PATJ: variants seen among roughly 807,000 people sequenced by gnomAD.
The protein encoded by PATJ is PATJ crumbs cell polarity complex component.
PATJ carries 190 observed loss-of-function variants against 224.9 expected under a neutral mutation model. The observed-to-expected ratio is 0.84, with a 90% confidence interval of 0.75 to 0.95. The LOEUF (loss-of-function observed/expected upper bound fraction) is 0.95. PATJ is among the 40% of genes least tolerant of loss of function. The probability of loss-of-function intolerance (pLI) is 0.00; values close to 1 mark genes in which losing one functional copy is unlikely to be tolerated. For missense variants in PATJ, 2,121 were observed against 2,270.3 expected, an observed-to-expected ratio of 0.93 and a Z score of 1.34; for synonymous variants, 769 against 820.3, an observed-to-expected ratio of 0.94 and a Z score of 1.07.
At chr1:61,912,024 A>G (rs927681868) in intron 25 of PATJ, among the ~76,000 whole-genome samples, 63 of 42,706 alleles carry the variant, frequency 1.5e-3, no homozygotes, top group African/African-American at 4.3e-3. Context: ...ATATTTTTAT[A>G]TTAAAAAATT....
chr1:61,975,618 A>G (rs577096243), intron 27 of PATJ, among the ~76,000 whole-genome samples: 13 of 151,882 alleles, frequency 8.6e-5, no homozygotes, highest in Middle Eastern at 3.2e-3. Context: ...CAGCTTTCCT[A>G]TTCTTGGCCT....
intron 24 of PATJ, 38 bp downstream of exon 24, chr1:61,901,497 AC>A: frequency 7.2e-7 from 1 of 1,383,284 alleles, no homozygotes; most frequent in South Asian, 1.3e-5. Context: ...TTGGAAACAT[AC>A]GGTAAGACAG....
chr1:62,142,334 A>G (rs1667585921), intron 41 of PATJ, among the ~76,000 whole-genome samples: 1 of 151,736 alleles, frequency 6.6e-6, no homozygotes, highest in African/African-American at 2.4e-5. Flanking sequence ...TCCATTCCAT[A>G]ACTGCCTTGT....
rs1457675452 is a variant in PATJ at position 61,901,549 on chromosome 1, G to A, written c.3381+90G>A. 10 of 910,870 alleles carry A rather than the reference G, an allele frequency of 1.1e-5. No individual in the cohort carries two copies. The East Asian group carries it at 2.6e-4, about 23-fold the overall frequency. The allele number at this position is 910,870 out of a possible 1,614,324, so 56.4% of individuals were successfully genotyped here. On this transcript the variant is annotated intron_variant, in intron 24 of 43. Coordinates refer to ENST00000642238, the MANE Select transcript of PATJ (RefSeq NM_001350145.3). ...GCTAGAAGACCTTTCTTTATGTGTT[G>A]GGGACCGTGTGTGTACAGTTGGTGT...
chr1:62,017,375 C>G (rs1646827912), intron 28 of PATJ, among the ~76,000 whole-genome samples: 1 of 149,344 alleles, frequency 6.7e-6, no homozygotes, highest in African/African-American at 2.5e-5. Context: ...GATCATGCCA[C>G]TGCACCCCAT....
intron 28 of PATJ, among the ~76,000 whole-genome samples, chr1:62,015,550 C>T (rs1324042167): frequency 2.6e-5 from 4 of 151,510 alleles, no homozygotes; most frequent in Non-Finnish European, 4.4e-5. Flanking sequence ...TGTGTGTGTG[C>T]GTGATGGACT....
chr1:61,945,403 C>CA (rs559975282), intron 27 of PATJ, among the ~76,000 whole-genome samples: 26,158 of 144,846 alleles, frequency 0.18, 2,420 homozygotes, highest in Middle Eastern at 0.23. Context: ...AAATGGAAAA[C>CA]AAAAAAAAAA....
chr1:61,867,647 T>C (rs991528864), intron 20 of PATJ, among the ~76,000 whole-genome samples: 40 of 151,220 alleles, frequency 2.6e-4, no homozygotes, highest in Non-Finnish European at 4.1e-4. Flanking sequence ...CAAACCAGCA[T>C]TGAGTAAGAC....
intron 1 of PATJ, among the ~76,000 whole-genome samples, chr1:61,762,179 A>G (rs1332511538): frequency 6.6e-6 from 1 of 152,220 alleles, no homozygotes; most frequent in Admixed American, 6.5e-5. Flanking sequence ...AGCCTGTCAT[A>G]GTCAGTTCCC....
chr1:61,833,695 T>C lies in PATJ; in HGVS notation c.2022T>C (p.Asp674=), dbSNP rs779595328. 1.2e-6 allele frequency: 2 copies of C among 1,613,418 alleles called. No individual in the cohort carries two copies. The highest frequency in any genetic ancestry group is 1.1e-5 in the South Asian group (1 of 91,040). Residue 674 remains aspartate (D), a synonymous_variant, in exon 17 of 44, where the codon GAT becomes GAC. Coordinates refer to ENST00000642238, the MANE Select transcript of PATJ (RefSeq NM_001350145.3). ...ATGTCAATACTGAAGAAGATGATGATGGGGAATTAGCACTGTGGTCCCCTG... is the reference window on the plus strand; with the variant it reads ...ATGTCAATACTGAAGAAGATGATGACGGGGAATTAGCACTGTGGTCCCCTG... ...NMDVNTEEDD[D]GELALWSPEV... is the part of the protein sequence containing the mutation.
At chr1:62,066,533 G>A (rs563942735) in intron 31 of PATJ, among the ~76,000 whole-genome samples, 1 of 152,184 alleles carries the variant, frequency 6.6e-6, no homozygotes, top group East Asian at 1.9e-4. Context: ...ACAGGCAGGA[G>A]ACACCACACC....
rs1397549346 is a variant in PATJ, at chr1:61,812,433, A to AGAGAGAGAGT, written c.1683+3904_1683+3905insAGAGAGAGTG. Among the ~76,000 whole-genome samples, 40 of 85,198 alleles carry AGAGAGAGAGT rather than the reference A, an allele frequency of 4.7e-4. 1 individual carries two copies. The highest frequency in any genetic ancestry group is 1.2e-3 in the African/African-American group (27 of 22,380). The allele number at this position is 85,198 out of a possible 152,430, so 55.9% of individuals were successfully genotyped here. A position where few individuals can be genotyped will look rare whatever the true frequency, so the allele number is the denominator to read the frequency against. ...GAGAGAGAGAGAGAGAGAGAGAGAG[A>AGAGAGAGAGT]GTGTGTGTGTGTGTGTGTGTGTGTG... On this transcript the variant is annotated intron_variant, in intron 14 of 43. Coordinates refer to ENST00000642238, the MANE Select transcript of PATJ (RefSeq NM_001350145.3).
chr1:61,987,537 A>G (rs1401063483), intron 27 of PATJ, among the ~76,000 whole-genome samples: 1 of 152,216 alleles, frequency 6.6e-6, no homozygotes, highest in Non-Finnish European at 1.5e-5. Flanking sequence ...AGATGAGAGC[A>G]TAAGTGCTCT....
intron 41 of PATJ, among the ~76,000 whole-genome samples, chr1:62,144,062 G>A (rs374059454): frequency 1.5e-4 from 23 of 152,220 alleles, no homozygotes; most frequent in African/African-American, 5.3e-4. Context: ...GTGGAAGAGA[G>A]CAGAAAGCTG....
intron 42 of PATJ, among the ~76,000 whole-genome samples, chr1:62,151,366 A>T (rs964249398): frequency 1.3e-5 from 2 of 152,036 alleles, no homozygotes; most frequent in African/African-American, 2.4e-5. Flanking sequence ...AGGCGGGCAG[A>T]TCATGAGGTC....
chr1:61,756,412 C>T (rs564185294), intron 1 of PATJ, among the ~76,000 whole-genome samples: 19 of 152,210 alleles, frequency 1.2e-4, no homozygotes, highest in African/African-American at 3.4e-4. Flanking sequence ...TGCAGATTTT[C>T]AGGGCCCACC....
intron 14 of PATJ, among the ~76,000 whole-genome samples, chr1:61,814,631 C>T (rs894365924): frequency 4.0e-5 from 6 of 151,480 alleles, no homozygotes; most frequent in South Asian, 2.1e-4. Flanking sequence ...CATTTTTCTA[C>T]GTTAATTTCT....
At chr1:62,134,660 T>C (rs1442907757) in intron 41 of PATJ, among the ~76,000 whole-genome samples, 1 of 152,114 alleles carries the variant, frequency 6.6e-6, no homozygotes, top group Non-Finnish European at 1.5e-5. Flanking sequence ...TCTTTATAAA[T>C]ATTGGAAAAT....
chr1:61,746,073 T>A (rs1360633799), intron 1 of PATJ, among the ~76,000 whole-genome samples: 1 of 151,094 alleles, frequency 6.6e-6, no homozygotes, highest in Non-Finnish European at 1.5e-5. Context: ...CAACCTCAGG[T>A]GTGCGCCACC....
Sources: gnomAD v4.1 joint callset for allele counts (sites outside exome capture counted in the v4.1 genomes callset) on GRCh38, gnomAD v4.1.1 for gene constraint, MANE v1.5 for transcripts, NCBI Gene and HGNC (gene_info 2026-07-23, HGNC 2026-07-21) for gene names.